The following STXBP5L variants were observed in gnomAD, a reference collection of about 807,000 sequenced individuals.
STXBP5L encodes the protein syntaxin-binding protein 5-like.
Under a neutral mutation model 144.5 loss-of-function variants are expected in STXBP5L, and 65 were observed. The observed-to-expected ratio is 0.45, with a 90% CI of 0.37 to 0.55. The LOEUF (loss-of-function observed/expected upper bound fraction) is 0.55, where lower values mean the gene tolerates loss of function less well. STXBP5L is among the 20% of genes least tolerant of loss of function. The pLI is 0.00. For synonymous variants in STXBP5L, 505 were observed against 469.6 expected (o/e 1.08, Z -0.97); for missense variants, 1,298 against 1,405.5 (o/e 0.92, Z 1.22).
intron 20 of STXBP5L, among the ~76,000 whole-genome samples, chr3:121,367,084 C>T (rs930504671): frequency 6.6e-6 from 1 of 152,106 alleles, no homozygotes; most frequent in African/African-American, 2.4e-5. Flanking sequence ...CATCTTTATA[C>T]CATATGTACC....
At chr3:121,063,396 A>G (rs1033398040) in intron 5 of STXBP5L, among the ~76,000 whole-genome samples, 2 of 152,132 alleles carry the variant, frequency 1.3e-5, no homozygotes, top group Non-Finnish European at 2.9e-5. Flanking sequence ...CACCCGCCAT[A>G]TGTCAGCTGG....
At chr3:121,039,828 T>C (rs1947021710) in intron 3 of STXBP5L, among the ~76,000 whole-genome samples, 1 of 152,066 alleles carries the variant, frequency 6.6e-6, no homozygotes, top group African/African-American at 2.4e-5. Flanking sequence ...CTGTTCTTTC[T>C]CTACCCCTCA....
At chr3:121,373,695 T>A (rs2046098347) in intron 20 of STXBP5L, among the ~76,000 whole-genome samples, 2 of 152,074 alleles carry the variant, frequency 1.3e-5, no homozygotes, top group Non-Finnish European at 2.9e-5. Flanking sequence ...GGGATCAGCC[T>A]GCCTGCCCTA....
chr3:121,241,685 GAAAT>G (rs1399611068), intron 14 of STXBP5L, among the ~76,000 whole-genome samples: 1 of 152,130 alleles, frequency 6.6e-6, no homozygotes, highest in South Asian at 2.1e-4. Flanking sequence ...TGTGTCAACA[GAAAT>G]AAATGAGGAA....
chr3:121,209,491 G>T (rs2048470212), intron 10 of STXBP5L, among the ~76,000 whole-genome samples: 1 of 151,942 alleles, frequency 6.6e-6, no homozygotes, highest in Admixed American at 6.6e-5. Flanking sequence ...GTGCAGGTTT[G>T]TTACATATGT....
At chr3:121,043,817 G>C (rs951870182) in intron 4 of STXBP5L, among the ~76,000 whole-genome samples, 1 of 152,058 alleles carries the variant, frequency 6.6e-6, no homozygotes, top group Non-Finnish European at 1.5e-5. Flanking sequence ...ATTGCCTTTG[G>C]CATGTTTTAT....
intron 12 of STXBP5L, among the ~76,000 whole-genome samples, chr3:121,238,619 A>G (rs1559894530): frequency 6.6e-6 from 1 of 152,150 alleles, no homozygotes; most frequent in Non-Finnish European, 1.5e-5. Context: ...GTATATAGGT[A>G]AAGTGCTTGG....
chr3:121,234,919 G>A (rs989757160), intron 12 of STXBP5L, among the ~76,000 whole-genome samples: 1 of 151,514 alleles, frequency 6.6e-6, no homozygotes, highest in Non-Finnish European at 1.5e-5. Context: ...TTGGTTACTC[G>A]TACTTTGTCT....
chr3:121,007,005 G>T (rs1352260411), intron 3 of STXBP5L, among the ~76,000 whole-genome samples: 2 of 152,000 alleles, frequency 1.3e-5, no homozygotes, highest in African/African-American at 4.8e-5. Flanking sequence ...TTTCAACTTT[G>T]GTGAATCTGA....
chr3:121,381,064 C>T (rs1253993420), intron 21 of STXBP5L, among the ~76,000 whole-genome samples: 1 of 152,014 alleles, frequency 6.6e-6, no homozygotes, highest in Non-Finnish European at 1.5e-5. Context: ...AGCTCAGGAG[C>T]CTCCAATTCT....
chr3:121,356,869 A>G (rs1180268392), intron 20 of STXBP5L: 2 of 152,788 alleles, frequency 1.3e-5, no homozygotes, highest in African/African-American at 4.8e-5. Context: ...ATAACCTACT[A>G]TAAAAAGTGG....
rs973137742 is a variant in STXBP5L, at chr3:121,205,989, C to T, written c.944C>T (p.Thr315Ile). The T allele has an allele frequency of 2.7e-6, 4 of 1,501,036 alleles. No individual in the cohort carries two copies. The highest frequency in any genetic ancestry group is 1.8e-6 in the Non-Finnish European group (2 of 1,129,404). 93.0% of individuals were successfully genotyped at this position (1,501,036 alleles called of 1,614,324 possible). A position where few individuals can be genotyped will look rare whatever the true frequency, so the allele number is the denominator to read the frequency against. Reference sequence around the variant, plus strand: ...CCAATTCTTAAAGTAGAATACAAGACCTGCAAAAACAGGTATGCATTTTTA... The same window carrying T: ...CCAATTCTTAAAGTAGAATACAAGATCTGCAAAAACAGGTATGCATTTTTA... ...CKPILKVEYK[T>I]CKNSEPFIIF... is the part of the protein sequence containing the mutation. The change falls in exon 10 of 27, where the codon ACC becomes ATC. Residue 315 changes from threonine (T) to isoleucine (I), a missense_variant. Coordinates refer to ENST00000471454, the MANE Select transcript of STXBP5L (RefSeq NM_001308330.2).
At chr3:120,989,854 C>T (rs1351526412) in intron 3 of STXBP5L, among the ~76,000 whole-genome samples, 1 of 152,140 alleles carries the variant, frequency 6.6e-6, no homozygotes, top group Admixed American at 6.6e-5. Flanking sequence ...CAATATCATA[C>T]TGAATGGGCA....
chr3:121,207,855 A>G (rs866985149), intron 10 of STXBP5L, among the ~76,000 whole-genome samples: 18 of 152,202 alleles, frequency 1.2e-4, no homozygotes, highest in Non-Finnish European at 1.5e-4. Flanking sequence ...GAGGATGTGG[A>G]GAAATAGGAA....
intron 20 of STXBP5L, among the ~76,000 whole-genome samples, chr3:121,366,106 C>G (rs896896881): frequency 6.6e-6 from 1 of 151,830 alleles, no homozygotes; most frequent in African/African-American, 2.4e-5. Flanking sequence ...AACTTCATTC[C>G]ACTGTGCTCA....
chr3:121,080,189 C>CGAGG (rs2042191717), intron 5 of STXBP5L, among the ~76,000 whole-genome samples: 1 of 152,086 alleles, frequency 6.6e-6, no homozygotes, highest in Non-Finnish European at 1.5e-5. Context: ...ATGTTTCCAG[C>CGAGG]TCTTTACCTT....
At chr3:121,257,114 T>C in intron 16 of STXBP5L, 47 bp from the exon 17 acceptor site, 1 of 1,355,662 alleles carries the variant, frequency 7.4e-7, no homozygotes, top group Non-Finnish European at 1.0e-6. Flanking sequence ...ATTAAAACGA[T>C]GATTATTAGT....
intron 18 of STXBP5L, among the ~76,000 whole-genome samples, chr3:121,260,709 A>C (rs2050356286): frequency 6.6e-6 from 1 of 152,118 alleles, no homozygotes; most frequent in Non-Finnish European, 1.5e-5. Flanking sequence ...ATAATACATT[A>C]CCTTATATAT....
At position 121,185,922 on chromosome 3, in the gene STXBP5L, C is replaced by T. The variant is rs535692757; in HGVS notation, c.878-20001C>T. 5.3e-5 allele frequency among the ~76,000 whole-genome samples: 8 copies of T among 152,288 alleles called. No individual in the cohort carries two copies. The East Asian group carries it at 1.5e-3, about 29-fold the overall frequency. On this transcript the variant is annotated intron_variant, in intron 9 of 26. Transcript: ENST00000471454. ...ATTTTCACAATATTGATTCTTCCTA[C>T]CCATGATCATAGAATGTTCTTCCAT...
Sources: gnomAD v4.1 joint callset for allele counts (sites outside exome capture counted in the v4.1 genomes callset) on GRCh38, gnomAD v4.1.1 for gene constraint, MANE v1.5 for transcripts, NCBI Gene and HGNC (gene_info 2026-07-23, HGNC 2026-07-21) for gene names.